HSBP1L1: variants seen among roughly 807,000 people sequenced by gnomAD.
HSBP1L1 encodes heat shock factor-binding protein 1-like protein 1.
In HSBP1L1, 8 loss-of-function variants were observed where a neutral mutation model predicts 9.7. The observed-to-expected ratio is 0.82, with a 90% CI of 0.48 to 1.48. The LOEUF (loss-of-function observed/expected upper bound fraction) is 1.48, where lower values mean the gene tolerates loss of function less well. HSBP1L1 is among the 40% of genes most tolerant of loss of function. The pLI, the probability that HSBP1L1 is intolerant of heterozygous loss-of-function variation, is 0.00. For missense variants in HSBP1L1, 106 were observed against 95.8 expected, an observed-to-expected ratio of 1.11 and a Z score of -0.44; for synonymous variants, 39 against 34.4, an observed-to-expected ratio of 1.13 and a Z score of -0.46.
Position 79,964,767 on chromosome 18 carries a change from GGC to G in HSBP1L1, c.39_40del (p.Leu14AlafsTer34). On this transcript the variant is annotated frameshift_variant, in exon 1 of 4. Coordinates refer to ENST00000451882, the MANE Select transcript of HSBP1L1 (RefSeq NM_001136180.2). LOFTEE classifies it high-confidence loss of function. ...GTGCGGGGCCCTGAAGCCCCCGGCG[GGC>G]GCGCGCTGCGGGACGCGGTGAGCCC... 7.1e-7 allele frequency: 1 copy of G among 1,409,304 alleles called. No individual in the cohort carries two copies. The highest frequency in any genetic ancestry group is 1.5e-5 in the South Asian group (1 of 68,888). The allele number at this position is 1,409,304 out of a possible 1,614,324, so 87.3% of individuals were successfully genotyped here.
chr18:79,966,878 G>A, intron 2 of HSBP1L1, 200 bp downstream of exon 2: 1 of 499,004 alleles, frequency 2.0e-6, no homozygotes, highest in East Asian at 3.6e-5. Context: ...GCCGGGTGCA[G>A]TGGCTCACGC....
Position 79,966,609 on chromosome 18 carries a change from C to A in HSBP1L1, c.52-3C>A. 1 of 1,544,780 alleles carries A rather than the reference C, an allele frequency of 6.5e-7. No individual in the cohort carries two copies. The highest frequency in any genetic ancestry group is 8.8e-7 in the Non-Finnish European group (1 of 1,142,580). ...TCAATTGTCTTACGGTTTATTTTTT[C>A]AGGCAGAAAATCTATTTCAGGAACT... On this transcript the variant is annotated splice_polypyrimidine_tract_variant and splice_region_variant and intron_variant, in intron 1 of 3. Coordinates refer to ENST00000451882, the MANE Select transcript of HSBP1L1 (RefSeq NM_001136180.2).
intron 2 of HSBP1L1, 35 bp downstream of exon 2, chr18:79,966,713 C>G (rs1378924210): frequency 7.2e-7 from 1 of 1,388,086 alleles, no homozygotes; most frequent in Non-Finnish European, 1.0e-6. Context: ...TGCTGTGATT[C>G]TTTCGGACTG....
intron 1 of HSBP1L1, 45 bp downstream of exon 1, chr18:79,964,831 C>T (rs1218368364): frequency 2.6e-6 from 3 of 1,156,172 alleles, no homozygotes; most frequent in South Asian, 2.3e-5. Flanking sequence ...TGGGGGCGCC[C>T]CTGCGGTTCT....
intron 1 of HSBP1L1, among the ~76,000 whole-genome samples, chr18:79,965,992 C>T (rs776318914): frequency 1.6e-4 from 25 of 152,192 alleles, no homozygotes; most frequent in Non-Finnish European, 2.9e-4. Context: ...AGTGCAGTGG[C>T]GCGATCTCGG....
chr18:79,968,459 T>C (rs1305971057), intron 3 of HSBP1L1, among the ~76,000 whole-genome samples: 2 of 152,162 alleles, frequency 1.3e-5, no homozygotes, highest in Non-Finnish European at 2.9e-5. Context: ...CCCAGGTAGC[T>C]GGAACTACAG....
At chr18:79,966,105 G>C (rs559565723) in intron 1 of HSBP1L1, among the ~76,000 whole-genome samples, 99 of 152,138 alleles carry the variant, frequency 6.5e-4, no homozygotes, top group African/African-American at 2.2e-3. Context: ...CTAATTTTTT[G>C]TATTTTTAGT....
intron 2 of HSBP1L1, 164 bp downstream of exon 2, chr18:79,966,842 C>T: frequency 1.7e-6 from 1 of 584,974 alleles, no homozygotes; most frequent in Non-Finnish European, 3.0e-6. Context: ...AATTACCCCT[C>T]ACCTATAGCA....
intron 1 of HSBP1L1, among the ~76,000 whole-genome samples, chr18:79,965,501 T>C (rs563406254): frequency 6.6e-6 from 1 of 152,300 alleles, no homozygotes; most frequent in Admixed American, 6.5e-5. Flanking sequence ...AGCCTCACTG[T>C]TCTCATCTCA....
Position 79,966,593 on chromosome 18 carries a change from T to G in HSBP1L1, c.52-19T>G. The G allele has an allele frequency of 1.3e-6, 2 of 1,534,236 alleles. No individual in the cohort carries two copies. The highest frequency in any genetic ancestry group is 1.8e-6 in the Non-Finnish European group (2 of 1,132,304). On this transcript the variant is annotated intron_variant, in intron 1 of 3. Coordinates refer to ENST00000451882, the MANE Select transcript of HSBP1L1 (RefSeq NM_001136180.2). ...AACAGTAAATATTTATTCAATTGTC[T>G]TACGGTTTATTTTTTCAGGCAGAAA...
chr18:79,970,369 A>G (rs2051288815), intron 3 of HSBP1L1, 71 bp from the exon 4 acceptor site: 3 of 717,662 alleles, frequency 4.2e-6, no homozygotes, highest in Non-Finnish European at 7.8e-6. Flanking sequence ...AACGTTATTA[A>G]AATCAGGGGT....
Position 79,964,685 on chromosome 18 carries a change from G to A in HSBP1L1, c.-51G>A, listed in dbSNP as rs978472964. On this transcript the variant is annotated 5_prime_UTR_variant, in exon 1 of 4. Transcript: ENST00000451882. ...CTTAGCTGTCGCCACCTCGCGCCGG[G>A]TCCGCGCGGCCCACGGGACCCCCCA... is the stretch of plus-strand genomic sequence containing the variant. 40 of 1,166,188 alleles carry A rather than the reference G, an allele frequency of 3.4e-5. No homozygotes were observed. Among genetic ancestry groups the A allele is most frequent in the Admixed American group, 6.1e-5 (2 of 32,798 alleles). 72.2% of individuals were successfully genotyped at this position (1,166,188 alleles called of 1,614,324 possible). A position where few individuals can be genotyped will look rare whatever the true frequency, so the allele number is the denominator to read the frequency against.
At chr18:79,965,383 T>G (rs1487398986) in intron 1 of HSBP1L1, among the ~76,000 whole-genome samples, 1 of 152,120 alleles carries the variant, frequency 6.6e-6, no homozygotes, top group Non-Finnish European at 1.5e-5. Flanking sequence ...CCTGGCATGG[T>G]TCAGAGGTGG....
In HSBP1L1 at chr18:79,964,725, C is replaced by T; in HGVS notation, c.-11C>T. Reference sequence around the variant, plus strand: ...GGGACCCCCCACTGACGCCCCCGGCCAGCGGTCCACATGGACGTGCGGGGC... The same window carrying T: ...GGGACCCCCCACTGACGCCCCCGGCTAGCGGTCCACATGGACGTGCGGGGC... On this transcript the variant is annotated 5_prime_UTR_variant, in exon 1 of 4. Coordinates refer to ENST00000451882, the MANE Select transcript of HSBP1L1 (RefSeq NM_001136180.2). 1 of 1,411,572 alleles carries T rather than the reference C, an allele frequency of 7.1e-7. No homozygotes were observed. Among genetic ancestry groups the T allele is most frequent in the Non-Finnish European group, 9.2e-7 (1 of 1,083,816 alleles). 87.4% of individuals were successfully genotyped at this position (1,411,572 alleles called of 1,614,324 possible). A position where few individuals can be genotyped will look rare whatever the true frequency, so the allele number is the denominator to read the frequency against.
intron 3 of HSBP1L1, among the ~76,000 whole-genome samples, chr18:79,969,382 AGAAAGAAAG>A (rs1568356687): frequency 7.2e-5 from 4 of 55,308 alleles, no homozygotes; most frequent in African/African-American, 1.9e-4. Context: ...AAAGAAAGAA[AGAAAGAAAG>A]AAAAAAAAAC....
intron 1 of HSBP1L1, among the ~76,000 whole-genome samples, chr18:79,965,044 A>G (rs1359822099): frequency 5.7e-5 from 5 of 87,646 alleles, no homozygotes; most frequent in South Asian, 8.4e-4. Flanking sequence ...CCTGAGGTGC[A>G]GGGGGGAGCC....
In HSBP1L1 at chr18:79,969,345, A is replaced by AAG. The variant is rs1491250431; in HGVS notation, c.214-1093_214-1092dup. Among the ~76,000 whole-genome samples, 2 of 38,528 alleles carry AAG rather than the reference A, an allele frequency of 5.2e-5. 1 individual carries two copies. The highest frequency in any genetic ancestry group is 1.3e-4 in the Non-Finnish European group (2 of 15,944). 25.3% of individuals were successfully genotyped at this position (38,528 alleles called of 152,430 possible). ...AGAAAGAAAGAAAAAGAAAGAAAGAAAGAAAGAAAGAAAGAAAGAAAGAAA... is the reference window on the plus strand; with the variant it reads ...AGAAAGAAAGAAAAAGAAAGAAAGAAAGAGAAAGAAAGAAAGAAAGAAAGAAA... On this transcript the variant is annotated intron_variant, in intron 3 of 3. Coordinates refer to ENST00000451882, the MANE Select transcript of HSBP1L1 (RefSeq NM_001136180.2).
In HSBP1L1 at chr18:79,970,504, A is replaced by T; in HGVS notation, c.*53A>T. On this transcript the variant is annotated 3_prime_UTR_variant, in exon 4 of 4. Transcript: ENST00000451882. ...GGCCTCTACAGAAGTCATTAAGGTT[A>T]CATCGGTCCTGAGGGTGGGGCCCTC... 4.2e-6 allele frequency: 3 copies of T among 718,242 alleles called. No homozygotes were observed. The highest frequency in any genetic ancestry group is 7.8e-6 in the Non-Finnish European group (3 of 384,824). 44.5% of individuals were successfully genotyped at this position (718,242 alleles called of 1,614,324 possible).
intron 1 of HSBP1L1, among the ~76,000 whole-genome samples, chr18:79,965,432 A>G (rs1458324194): frequency 6.6e-6 from 1 of 151,962 alleles, no homozygotes; most frequent in Admixed American, 6.6e-5. Flanking sequence ...GATTCACACC[A>G]TGGTACGTGG....
Sources: allele counts gnomAD v4.1 joint callset (sites outside exome capture counted in the v4.1 genomes callset), GRCh38; gene constraint gnomAD v4.1.1; transcripts MANE v1.5; gene names NCBI Gene and HGNC (gene_info 2026-07-23, HGNC 2026-07-21).